MECOM: variants seen among roughly 807,000 people sequenced by gnomAD.
MECOM encodes the protein MDS1 and EVI1 complex locus.
Under a neutral mutation model 116.3 loss-of-function variants are expected in MECOM, and 13 were observed. The ratio of observed to expected loss-of-function variants is 0.11; its 90% confidence interval spans 0.07 to 0.18. The LOEUF is 0.18. Ranked by LOEUF, MECOM falls within the 10% of genes least tolerant of loss-of-function variation. The pLI is 1.00. For missense variants in MECOM, 1,299 were observed against 1,509.0 expected (o/e 0.86, Z 2.31); for synonymous variants, 528 against 535.2 (o/e 0.99, Z 0.19).
chr3:169,210,114 C>A (rs1029540917), intron 2 of MECOM, among the ~76,000 whole-genome samples: 2 of 152,008 alleles, frequency 1.3e-5, no homozygotes, highest in African/African-American at 4.8e-5. Context: ...AACAGAAAGC[C>A]AAACACCACA....
intron 1 of MECOM, among the ~76,000 whole-genome samples, chr3:169,441,725 C>CTTTTTTTTTTTTT (rs1297362155): frequency 7.3e-6 from 1 of 137,686 alleles, no homozygotes; most frequent in Non-Finnish European, 1.7e-5. Context: ...TTCTTCTTCT[C>CTTTTTTTTTTTTT]TTCTTTTTTT....
At chr3:169,241,464 C>G (rs769740798) in intron 2 of MECOM, among the ~76,000 whole-genome samples, 2 of 152,038 alleles carry the variant, frequency 1.3e-5, no homozygotes, top group Non-Finnish European at 2.9e-5. Context: ...TACAATAACA[C>G]CAGGTATAAA....
intron 2 of MECOM, among the ~76,000 whole-genome samples, chr3:169,311,111 G>T (rs554322927): frequency 3.3e-5 from 5 of 152,290 alleles, no homozygotes; most frequent in East Asian, 3.9e-4. Flanking sequence ...CTTAAAAAAG[G>T]TCACAGTATT....
At chr3:169,110,772 G>C (rs1423786741) in intron 9 of MECOM, among the ~76,000 whole-genome samples, 1 of 152,030 alleles carries the variant, frequency 6.6e-6, no homozygotes, top group Non-Finnish European at 1.5e-5. Flanking sequence ...CACCACTCTT[G>C]GGTCCTGTTC....
intron 2 of MECOM, chr3:169,147,591 A>T: frequency 1.0e-6 from 1 of 985,412 alleles, no homozygotes; most frequent in Non-Finnish European, 1.2e-6. Flanking sequence ...CTGATTATGG[A>T]TGCACCATCC....
intron 1 of MECOM, among the ~76,000 whole-genome samples, chr3:169,564,151 C>G (rs1193956828): frequency 6.6e-6 from 1 of 151,962 alleles, no homozygotes; most frequent in African/African-American, 2.4e-5. Flanking sequence ...ATAATCTTGA[C>G]CATGGGGTAA....
chr3:169,336,288 T>C (rs191804891), intron 2 of MECOM, among the ~76,000 whole-genome samples: 90 of 152,182 alleles, frequency 5.9e-4, no homozygotes, highest in Admixed American at 3.3e-3. Context: ...AATGAAGTCA[T>C]AGAAGCAGAG....
At chr3:169,135,321 A>G (rs1461034180) in intron 3 of MECOM, among the ~76,000 whole-genome samples, 1 of 152,082 alleles carries the variant, frequency 6.6e-6, no homozygotes, top group East Asian at 1.9e-4. Flanking sequence ...TTTTGTAATG[A>G]ATATACCCCC....
chr3:169,650,717 G>A (rs776731055), intron 1 of MECOM, among the ~76,000 whole-genome samples: 11 of 151,880 alleles, frequency 7.2e-5, no homozygotes, highest in Non-Finnish European at 1.5e-4. Flanking sequence ...TGCTGTGACC[G>A]TGTCTCAGAG....
intron 1 of MECOM, among the ~76,000 whole-genome samples, chr3:169,646,513 T>C (rs1328877976): frequency 2.6e-5 from 4 of 152,148 alleles, no homozygotes; most frequent in Non-Finnish European, 5.9e-5. Context: ...GAGAGCTCAT[T>C]AGGCTTTCCT....
At chr3:169,150,129 C>T (rs1740964312) in intron 2 of MECOM, among the ~76,000 whole-genome samples, 2 of 151,924 alleles carry the variant, frequency 1.3e-5, no homozygotes, top group African/African-American at 4.8e-5. Context: ...AGATAGGGTT[C>T]TGAAATCCCA....
intron 1 of MECOM, among the ~76,000 whole-genome samples, chr3:169,570,671 A>G (rs1560445673): frequency 6.6e-6 from 1 of 152,246 alleles, no homozygotes; most frequent in Non-Finnish European, 1.5e-5. Context: ...CCTGGGATGC[A>G]AGTCTGATTC....
At chr3:169,272,009 G>A (rs747141818) in intron 2 of MECOM, among the ~76,000 whole-genome samples, 7 of 152,102 alleles carry the variant, frequency 4.6e-5, no homozygotes, top group Non-Finnish European at 7.4e-5. Flanking sequence ...TTAACCCAGC[G>A]TTCCTCAGAG....
intron 1 of MECOM, among the ~76,000 whole-genome samples, chr3:169,430,410 T>A (rs1243575442): frequency 6.6e-6 from 1 of 152,196 alleles, no homozygotes; most frequent in African/African-American, 2.4e-5. Flanking sequence ...TAATTGTGAT[T>A]TTATCATTTT....
intron 1 of MECOM, among the ~76,000 whole-genome samples, chr3:169,383,595 C>T (rs1406306198): frequency 6.6e-6 from 1 of 152,132 alleles, no homozygotes; most frequent in Non-Finnish European, 1.5e-5. Context: ...TTTCATAGTC[C>T]TTTAAATGGG....
chr3:169,225,462 A>G (rs1026483525), intron 2 of MECOM, among the ~76,000 whole-genome samples: 11 of 152,210 alleles, frequency 7.2e-5, no homozygotes, highest in African/African-American at 2.4e-4. Context: ...ACCCTGTCTT[A>G]TCAAGGACTG....
At chr3:169,177,236 A>C (rs1745303203) in intron 2 of MECOM, among the ~76,000 whole-genome samples, 1 of 152,218 alleles carries the variant, frequency 6.6e-6, no homozygotes, top group South Asian at 2.1e-4. Flanking sequence ...TCAATGATAG[A>C]CTGGATAAAG....
intron 2 of MECOM, among the ~76,000 whole-genome samples, chr3:169,177,058 C>T (rs1348234464): frequency 2.0e-5 from 3 of 152,136 alleles, no homozygotes; most frequent in Non-Finnish European, 4.4e-5. Context: ...GACAGTATGG[C>T]AATTCCTCAA....
At chr3:169,266,582 A>G (rs1320439608) in intron 2 of MECOM, among the ~76,000 whole-genome samples, 1 of 152,248 alleles carries the variant, frequency 6.6e-6, no homozygotes, top group East Asian at 1.9e-4. Context: ...TGGAGAGCCA[A>G]CACAGTTCAG....
Sources: allele counts gnomAD v4.1 joint callset (sites outside exome capture counted in the v4.1 genomes callset), GRCh38; gene constraint gnomAD v4.1.1; transcripts MANE v1.5; gene names NCBI Gene and HGNC (gene_info 2026-07-23, HGNC 2026-07-21).